The following DMD variants were observed in gnomAD, a reference collection of about 807,000 sequenced individuals.
DMD encodes mutant dystrophin.
DMD carries 63 observed loss-of-function variants against 330.1 expected under a neutral mutation model. The observed-to-expected ratio is 0.19, with a 90% CI of 0.16 to 0.24. The LOEUF (loss-of-function observed/expected upper bound fraction) is 0.24. Among genes scored for constraint, DMD ranks in the 10% least tolerant of loss-of-function variants. DMD has a pLI of 1.00. For synonymous variants in DMD, 1,223 were observed against 959.8 expected, an observed-to-expected ratio of 1.27 and a Z score of -5.07; for missense variants, 3,344 against 2,684.1, an observed-to-expected ratio of 1.25 and a Z score of -5.43.
At chrX:32,540,663 C>G (rs771247292) in intron 17 of DMD, among the ~76,000 whole-genome samples, 6 of 111,861 alleles carry the variant, frequency 5.4e-5, no homozygotes, top group African/African-American at 1.9e-4. Flanking sequence ...GTATTTGCTA[C>G]AATGGAATCT....
chrX:33,299,756 C>CT (rs2053635362), intron 1 of DMD, among the ~76,000 whole-genome samples: 1 of 111,817 alleles, frequency 8.9e-6, no homozygotes, highest in South Asian at 3.7e-4. Flanking sequence ...TCGACTTTAA[C>CT]TTTTCCTCCA....
intron 13 of DMD, among the ~76,000 whole-genome samples, chrX:32,594,350 T>G (rs1432149727): frequency 9.0e-6 from 1 of 111,243 alleles, no homozygotes; most frequent in Admixed American, 9.6e-5. Flanking sequence ...ATGAAGGAAT[T>G]GTGGTGATGA....
rs2050546314 is a variant in DMD, at chrX:33,190,920, ATATAATAT to A, written c.31+20354_31+20361del. 1.7e-3 allele frequency among the ~76,000 whole-genome samples: 2 copies of A among 1,175 alleles called. 1 individual carries two copies. The highest frequency in any genetic ancestry group is 8.1e-3 in the African/African-American group (2 of 246). The allele number at this position is 1,175 out of a possible 115,157, so 1.0% of individuals were successfully genotyped here. A position where few individuals can be genotyped will look rare whatever the true frequency, so the allele number is the denominator to read the frequency against. On this transcript the variant is annotated intron_variant, in intron 1 of 78. Transcript: ENST00000357033. ...TATTATATAATATATAATATTATAT[ATATAATAT>A]TATATATATATATAATATATAATAT...
intron 7 of DMD, 51 bp from the exon 8 acceptor site, chrX:32,699,344 C>A (rs750272584): frequency 2.1e-6 from 2 of 967,392 alleles, no homozygotes; most frequent in East Asian, 6.1e-5. Context: ...ATATTTGAGA[C>A]TCTAAAAGGA....
At chrX:33,124,499 A>AAAAAAAAAAAAC (rs2095447935) in intron 1 of DMD, among the ~76,000 whole-genome samples, 1 of 105,475 alleles carries the variant, frequency 9.5e-6, no homozygotes, top group African/African-American at 3.5e-5. Context: ...AAAAAAAAAA[A>AAAAAAAAAAAAC]AAAAAAAAAA....
chrX:31,659,654 A>G (rs866107318), intron 53 of DMD, among the ~76,000 whole-genome samples: 1 of 104,961 alleles, frequency 9.5e-6, no homozygotes, highest in African/African-American at 3.5e-5. Context: ...AAAAAAAAAA[A>G]AAAAAAAAAA....
At chrX:32,278,112 G>A (rs1450519914) in intron 43 of DMD, among the ~76,000 whole-genome samples, 1 of 111,322 alleles carries the variant, frequency 9.0e-6, no homozygotes, top group Non-Finnish European at 1.9e-5. Context: ...AGTAAAATCA[G>A]AAATGAGAAA....
intron 44 of DMD, among the ~76,000 whole-genome samples, chrX:32,204,526 A>C (rs1227934380): frequency 8.9e-6 from 1 of 112,061 alleles, no homozygotes; most frequent in Non-Finnish European, 1.9e-5. Flanking sequence ...TCTAAAACTT[A>C]TACTTCCTTA....
intron 47 of DMD, among the ~76,000 whole-genome samples, chrX:31,894,260 C>T (rs990742198): frequency 4.5e-5 from 5 of 112,140 alleles, no homozygotes; most frequent in Non-Finnish European, 5.6e-5. Flanking sequence ...AGGATTTAAA[C>T]GTCTTTCCTC....
At chrX:32,515,288 A>G (rs2045748697) in intron 18 of DMD, among the ~76,000 whole-genome samples, 2 of 111,641 alleles carry the variant, frequency 1.8e-5, no homozygotes, top group South Asian at 7.6e-4. Context: ...AAGAAAATAT[A>G]GACTCGAGGT....
At chrX:33,331,522 A>G (rs192040190) in intron 1 of DMD, among the ~76,000 whole-genome samples, 1 of 111,967 alleles carries the variant, frequency 8.9e-6, no homozygotes, top group East Asian at 2.8e-4. Flanking sequence ...ATCAGTTGTA[A>G]CAATGTCATG....
At chrX:32,453,376 T>C (rs1166095492) in intron 26 of DMD, among the ~76,000 whole-genome samples, 1 of 110,698 alleles carries the variant, frequency 9.0e-6, no homozygotes, top group Non-Finnish European at 1.9e-5. Flanking sequence ...TAATTTTTTC[T>C]TCATTATAGT....
intron 55 of DMD, among the ~76,000 whole-genome samples, chrX:31,552,858 G>A (rs974384098): frequency 9.0e-6 from 1 of 111,709 alleles, no homozygotes; most frequent in Non-Finnish European, 1.9e-5. Context: ...AGGGACTTTT[G>A]TGATGTATAT....
chrX:31,388,116 C>T (rs1342205976), intron 60 of DMD, among the ~76,000 whole-genome samples: 1 of 108,633 alleles, frequency 9.2e-6, no homozygotes, highest in Non-Finnish European at 1.9e-5. Flanking sequence ...TCTCCTGCCT[C>T]AGCCTCCCGA....
At chrX:33,301,438 T>C (rs2053660261) in intron 1 of DMD, among the ~76,000 whole-genome samples, 1 of 112,072 alleles carries the variant, frequency 8.9e-6, no homozygotes, top group African/African-American at 3.2e-5. Context: ...TGTGAAACTT[T>C]TTAAAATTGT....
rs774414536 is a variant in DMD at position 32,902,158 on chromosome X, AACACACACAC to A, written c.94-52348_94-52339del. On this transcript the variant is annotated intron_variant, in intron 2 of 78. Coordinates refer to ENST00000357033, the MANE Select transcript of DMD (RefSeq NM_004006.3). ...CATAAGCAAGCATCACACACACACA[AACACACACAC>A]ACACACACACACACACACACACACA... Among the ~76,000 whole-genome samples, 626 of 86,641 alleles carry A rather than the reference AACACACACAC, an allele frequency of 7.2e-3. 15 individuals are homozygous for A. Among genetic ancestry groups the A allele is most frequent in the African/African-American group, 0.026 (572 of 21,656 alleles). The allele number at this position is 86,641 out of a possible 115,157, so 75.2% of individuals were successfully genotyped here.
chrX:33,108,881 AAAG>A (rs1181559628), intron 1 of DMD, among the ~76,000 whole-genome samples: 3 of 99,689 alleles, frequency 3.0e-5, no homozygotes, highest in Non-Finnish European at 6.2e-5. Flanking sequence ...AAAAAAAAAA[AAAG>A]AAGAAGAGAG....
At chrX:31,669,341 T>C (rs2081611541) in intron 53 of DMD, among the ~76,000 whole-genome samples, 2 of 112,356 alleles carry the variant, frequency 1.8e-5, no homozygotes, top group African/African-American at 6.5e-5. Context: ...GCGATTGTAA[T>C]ATGCATTTCC....
chrX:31,462,087 C>T (rs139682487), intron 59 of DMD, among the ~76,000 whole-genome samples: 322 of 111,859 alleles, frequency 2.9e-3, no homozygotes, highest in African/African-American at 9.8e-3. Flanking sequence ...ATTTACACCA[C>T]GAAAACTGGT....
Sources: gnomAD v4.1 joint callset for allele counts (sites outside exome capture counted in the v4.1 genomes callset) on GRCh38, gnomAD v4.1.1 for gene constraint, MANE v1.5 for transcripts, NCBI Gene and HGNC (gene_info 2026-07-23, HGNC 2026-07-21) for gene names.